TTN: variants seen among roughly 807,000 people sequenced by gnomAD.
TTN encodes the protein connectin.
A neutral mutation model predicts 3,223.0 loss-of-function variants in TTN; 1,525 were observed. That is an observed-to-expected ratio of 0.47 (90% CI 0.45 to 0.49). The LOEUF is 0.49. TTN is among the 20% of genes least tolerant of loss of function. The pLI, the probability that TTN is intolerant of heterozygous loss-of-function variation, is 0.00. For missense variants in TTN, 40,786 were observed against 43,424.0 expected (o/e 0.94, Z 5.40); for synonymous variants, 14,094 against 15,161.0 (o/e 0.93, Z 5.17).
At position 178,631,165 on chromosome 2, in the gene TTN, G is replaced by A; in HGVS notation, c.43883C>T (p.Ser14628Phe). The A allele has an allele frequency of 6.2e-7, 1 of 1,613,252 alleles. No homozygotes were observed. Among genetic ancestry groups the A allele is most frequent in the Non-Finnish European group, 8.5e-7 (1 of 1,179,574 alleles). The change falls in exon 237 of 363, where the codon TCC becomes TTC. Residue 14628 changes from serine to phenylalanine, a missense_variant. Ser to Phe is a radical substitution (Grantham distance 155, BLOSUM62 -2). Coordinates refer to ENST00000589042, the MANE Select transcript of TTN (RefSeq NM_001267550.2). ...ATCTGCCTTAATAACAGCATTTTTGGATGGCTTTATTTCCTTCCCATCCTT... is the reference window on the plus strand; with the variant it reads ...ATCTGCCTTAATAACAGCATTTTTGAATGGCTTTATTTCCTTCCCATCCTT... ...WFKDGKEIKPSKNAVIKADGK... is the reference protein window; with the variant it reads ...WFKDGKEIKPFKNAVIKADGK...
At chr2:178,642,716 G>C (rs575857276) in intron 218 of TTN, among the ~76,000 whole-genome samples, 4 of 152,092 alleles carry the variant, frequency 2.6e-5, no homozygotes, top group African/African-American at 9.6e-5. Context: ...ATACTGGCAA[G>C]TGTTAGTGCC....
chr2:178,624,531 C>T lies in TTN; in HGVS notation c.44749G>A (p.Glu14917Lys). The T allele has an allele frequency of 1.9e-6, 3 of 1,612,774 alleles. No homozygotes were observed. Among genetic ancestry groups the T allele is most frequent in the Non-Finnish European group, 1.7e-6 (2 of 1,179,192 alleles). The change falls in exon 242 of 363, where the codon GAG (glutamate) becomes AAG (lysine). Residue 14917 changes from glutamate (E) to lysine (K), a missense_variant. Coordinates refer to ENST00000589042, the MANE Select transcript of TTN (RefSeq NM_001267550.2). Reference protein sequence around the residue: ...RKLVIHDCTPEDIKTYTCDAK... With the variant: ...RKLVIHDCTPKDIKTYTCDAK... ...TCACAAGTGTATGTTTTAATATCCT[C>T]TGGGGTACAGTCATGTATAACAAGT...
At position 178,557,843 on chromosome 2, in the gene TTN, T is replaced by C. The variant is rs1474922930; in HGVS notation, c.87511A>G (p.Thr29171Ala). ...TCTCTTTTGAGTAGAATGTAGTTGG[T>C]AACTTGACTTCCACCGTCATACTTA... Reference protein sequence around the residue: ...PPKYDGGSQVTNYILLKRETS... With the variant: ...PPKYDGGSQVANYILLKRETS... Residue 29171 changes from threonine to alanine, a missense_variant, in exon 328 of 363, where the codon ACC becomes GCC. Thr to Ala is a moderately conservative substitution (Grantham distance 58, BLOSUM62 0). Transcript: ENST00000589042. The C allele has an allele frequency of 1.2e-6, 2 of 1,613,964 alleles. No individual in the cohort carries two copies. The highest frequency in any genetic ancestry group is 8.5e-7 in the Non-Finnish European group (1 of 1,179,844).
At chr2:178,578,271 C>T in intron 321 of TTN, 86 bp from the exon 322 acceptor site, 3 of 1,175,012 alleles carry the variant, frequency 2.6e-6, no homozygotes, top group Non-Finnish European at 3.6e-6. Flanking sequence ...TATACATATC[C>T]ATATATATTG....
chr2:178,774,354 C>T lies in TTN; in HGVS notation c.6910G>A (p.Val2304Met), dbSNP rs1412860664. 2 of 1,614,118 alleles carry T rather than the reference C, an allele frequency of 1.2e-6. No homozygotes were observed. The highest frequency in any genetic ancestry group is 1.3e-5 in the African/African-American group (1 of 75,054). Residue 2304 changes from valine to methionine, a missense_variant, in exon 30 of 363, where the codon GTG (valine) becomes ATG (methionine). Val to Met is a conservative substitution (Grantham distance 21, BLOSUM62 1). Transcript: ENST00000589042. ...TATTTGCCATTGGATTTAAGCTCCA[C>T]ATCATTATGATACCATTTTCCTTCT... ...NIEGKWYHND[V>M]ELKSNGKYTI...
At position 178,601,919 on chromosome 2, in the gene TTN, T is replaced by G. The variant is rs774660546; in HGVS notation, c.55270-5A>C. On this transcript the variant is annotated splice_polypyrimidine_tract_variant and splice_region_variant and intron_variant, in intron 284 of 362. Coordinates refer to ENST00000589042, the MANE Select transcript of TTN (RefSeq NM_001267550.2). ...GGGTATGTCATGAACTCCATCCTAT[T>G]AGAAAAGGAGACAGTCAGTTGTAGT... 1.2e-6 allele frequency: 2 copies of G among 1,612,574 alleles called. No homozygotes were observed. Among genetic ancestry groups the G allele is most frequent in the Non-Finnish European group, 1.7e-6 (2 of 1,179,190 alleles).
rs1223834445 is a variant in TTN at position 178,799,816 on chromosome 2, G to GA, written c.669+8dup. 3.1e-6 allele frequency: 5 copies of GA among 1,614,138 alleles called. No individual in the cohort carries two copies. The highest frequency in any genetic ancestry group is 3.4e-6 in the Non-Finnish European group (4 of 1,180,016). ...GAAAGGCTTGAAAACCAACAGTATA[G>GA]AAAAATACCTTTTCAATTCGGGTTT... On this transcript the variant is annotated intron_variant, in intron 5 of 362. Transcript: ENST00000589042.
At chr2:178,796,896 C>G (rs2093798199) in intron 6 of TTN, among the ~76,000 whole-genome samples, 1 of 152,108 alleles carries the variant, frequency 6.6e-6, no homozygotes, top group Non-Finnish European at 1.5e-5. Context: ...GCACCTTATT[C>G]AATGAAATAT....
rs727504589 is a variant in TTN at position 178,620,714 on chromosome 2, C to T, written c.45895+1G>A. The T allele has an allele frequency of 6.2e-7, 1 of 1,612,206 alleles. No homozygotes were observed. Among genetic ancestry groups the T allele is most frequent in the Non-Finnish European group, 8.5e-7 (1 of 1,178,994 alleles). On this transcript the variant is annotated splice_donor_variant, in intron 247 of 362. Transcript: ENST00000589042. LOFTEE classifies it high-confidence loss of function. ...TCTCTAGTGGTATATAAATTACTTA[C>T]CTTCTACTATTAGATTGGCTGCACT...
At chr2:178,738,399 T>G in intron 48 of TTN, 39 bp from the exon 49 acceptor site, 1 of 1,568,860 alleles carries the variant, frequency 6.4e-7, no homozygotes, top group Non-Finnish European at 8.6e-7. Context: ...TGCCTCCTTA[T>G]CAGGCATATG....
intron 47 of TTN, chr2:178,748,393 A>C: frequency 6.2e-7 from 1 of 1,613,188 alleles, no homozygotes; most frequent in Non-Finnish European, 8.5e-7. Flanking sequence ...TGGCAAATAC[A>C]TTATTTTGCA....
At chr2:178,803,592 G>C (rs2094170413) in intron 2 of TTN, among the ~76,000 whole-genome samples, 1 of 150,880 alleles carries the variant, frequency 6.6e-6, no homozygotes, top group African/African-American at 2.4e-5. Context: ...GCATATAATA[G>C]AAAAAAAGAG....
At position 178,588,845 on chromosome 2, in the gene TTN, C is replaced by G. The variant is rs1171642877; in HGVS notation, c.62880G>C (p.Lys20960Asn). ...TESKPVIAKT[K>N]YDKPGRPDPP... ...GATCAGGGCGACCAGGTTTATCATA[C>G]TTGGTTTTGGCTATGACTGGTTTAC... Residue 20960 changes from lysine to asparagine, a missense_variant, in exon 304 of 363, where the codon AAG becomes AAC. Lys to Asn is a moderately conservative substitution (Grantham distance 94, BLOSUM62 0). Transcript: ENST00000589042. The G allele has an allele frequency of 2.5e-6, 4 of 1,613,332 alleles. No individual in the cohort carries two copies. The highest frequency in any genetic ancestry group is 2.2e-5 in the South Asian group (2 of 91,066).
At chr2:178,751,831 A>G (rs375233593) in intron 47 of TTN, 5 of 1,612,886 alleles carry the variant, frequency 3.1e-6, no homozygotes, top group Admixed American at 1.7e-5. Context: ...ATCTACATGT[A>G]AAAACAACCG....
rs779529472 is a variant in TTN, at chr2:178,777,886, G to C, written c.4298C>G (p.Ser1433Cys). Reference protein sequence around the residue: ...SPARMSPARMSPARMSPGRRL... With the variant: ...SPARMSPARMCPARMSPGRRL... ...ACGTCCAGGGGACATTCTTGCAGGG[G>C]ACATCCGTGCAGGAGACATCCTTGC... The change falls in exon 25 of 363, where the codon TCC becomes TGC. Residue 1433 changes from serine (S) to cysteine (C), a missense_variant. Physicochemically the swap from Ser to Cys is moderately radical, Grantham distance 112 (BLOSUM62 -1). Transcript: ENST00000589042. The C allele has an allele frequency of 1.2e-6, 2 of 1,613,874 alleles. No individual in the cohort carries two copies. The highest frequency in any genetic ancestry group is 1.7e-6 in the Non-Finnish European group (2 of 1,179,862).
At position 178,727,726 on chromosome 2, in the gene TTN, G is replaced by C; in HGVS notation, c.19852C>G (p.Pro6618Ala). The change falls in exon 68 of 363, where the codon CCT becomes GCT. Residue 6618 changes from proline to alanine, a missense_variant. Pro to Ala is a conservative substitution (Grantham distance 27). Coordinates refer to ENST00000589042, the MANE Select transcript of TTN (RefSeq NM_001267550.2). ...CCTTCCAAGCCAATGAAACATTTAG[G>C]ACCTGAGACAAGTTCCACATCATCC... ...FKDDVELVSG[P>A]KCFIGLEGST... The C allele has an allele frequency of 1.2e-6, 2 of 1,613,338 alleles. No individual in the cohort carries two copies. Among genetic ancestry groups the C allele is most frequent in the South Asian group, 2.2e-5 (2 of 91,040 alleles).
At position 178,553,715 on chromosome 2, in the gene TTN, T is replaced by C. The variant is rs777230019; in HGVS notation, c.89290A>G (p.Ser29764Gly). ...GWSKPVYDGGSAVTGYVVEIR... is the reference protein window; with the variant it reads ...GWSKPVYDGGGAVTGYVVEIR... ...TCGACAACATACCCAGTAACAGCACTGCCCCCATCATAGACAGGCTTACTC... is the reference window on the plus strand; with the variant it reads ...TCGACAACATACCCAGTAACAGCACCGCCCCCATCATAGACAGGCTTACTC... The change falls in exon 334 of 363, where the codon AGT becomes GGT. Residue 29764 changes from serine to glycine, a missense_variant. Coordinates refer to ENST00000589042, the MANE Select transcript of TTN (RefSeq NM_001267550.2). 22 of 1,613,690 alleles carry C rather than the reference T, an allele frequency of 1.4e-5. No homozygotes were observed. Among genetic ancestry groups the C allele is most frequent in the Non-Finnish European group, 1.7e-5 (20 of 1,179,754 alleles).
At chr2:178,710,574 C>T in intron 98 of TTN, 61 bp downstream of exon 98, 1 of 1,535,032 alleles carries the variant, frequency 6.5e-7, no homozygotes, top group Middle Eastern at 2.4e-4. Context: ...AAAACGACAC[C>T]TTCAGGCTAT....
chr2:178,626,102 A>G (rs1408962375), intron 240 of TTN, among the ~76,000 whole-genome samples: 1 of 152,006 alleles, frequency 6.6e-6, no homozygotes, highest in African/African-American at 2.4e-5. Flanking sequence ...GAAAGGATGA[A>G]AGAAAATATC....
Sources: allele counts gnomAD v4.1 joint callset (sites outside exome capture counted in the v4.1 genomes callset), GRCh38; gene constraint gnomAD v4.1.1; transcripts MANE v1.5; gene names NCBI Gene and HGNC (gene_info 2026-07-23, HGNC 2026-07-21).